The following GARRE1 variants were observed in gnomAD, a reference collection of about 807,000 sequenced individuals.
GARRE1 encodes the protein granule associated Rac and RHOG effector protein 1.
A neutral mutation model predicts 103.2 loss-of-function variants in GARRE1; 49 were observed. The observed-to-expected ratio is 0.47, with a 90% CI of 0.38 to 0.60. The LOEUF is 0.60. Among genes scored for constraint, GARRE1 ranks in the 20% least tolerant of loss-of-function variants. GARRE1 has a pLI of 0.00. For missense variants in GARRE1, 1,199 were observed against 1,370.5 expected, an observed-to-expected ratio of 0.87 and a Z score of 1.98; for synonymous variants, 505 against 532.8, an observed-to-expected ratio of 0.95 and a Z score of 0.72.
intron 10 of GARRE1, among the ~76,000 whole-genome samples, chr19:34,346,087 A>G (rs1261997884): frequency 1.3e-5 from 2 of 152,170 alleles, no homozygotes; most frequent in African/African-American, 4.8e-5. Flanking sequence ...GATAGGCAAA[A>G]TCAGTGCGGG....
intron 1 of GARRE1, among the ~76,000 whole-genome samples, chr19:34,279,572 G>A (rs1340965312): frequency 6.6e-6 from 1 of 152,132 alleles, no homozygotes; most frequent in Non-Finnish European, 1.5e-5. Context: ...AATAGGGTAT[G>A]AAGTGGTATC....
At chr19:34,295,048 TA>T (rs2073939902) in intron 1 of GARRE1, among the ~76,000 whole-genome samples, 1 of 152,328 alleles carries the variant, frequency 6.6e-6, no homozygotes, top group Admixed American at 6.5e-5. Flanking sequence ...AGATGAGCTC[TA>T]AGTCAGGTAA....
At chr19:34,291,637 G>A (rs929743968) in intron 1 of GARRE1, among the ~76,000 whole-genome samples, 1 of 152,146 alleles carries the variant, frequency 6.6e-6, no homozygotes, top group African/African-American at 2.4e-5. Context: ...AACCACTCCT[G>A]TGATAATGCC....
chr19:34,333,618 C>A, intron 7 of GARRE1, 86 bp from the exon 8 acceptor site: 1 of 821,246 alleles, frequency 1.2e-6, no homozygotes, highest in Non-Finnish European at 2.0e-6. Context: ...CTTAGAGAGT[C>A]ATTTTATGTA....
intron 6 of GARRE1, among the ~76,000 whole-genome samples, chr19:34,328,493 C>A (rs570787551): frequency 1.4e-5 from 2 of 147,550 alleles, no homozygotes; most frequent in African/African-American, 5.0e-5. Context: ...TGCGCCATTG[C>A]ACTCCAACCT....
At chr19:34,274,675 A>G (rs546863181) in intron 1 of GARRE1, among the ~76,000 whole-genome samples, 2 of 152,296 alleles carry the variant, frequency 1.3e-5, no homozygotes, top group African/African-American at 4.8e-5. Context: ...CAGAAGGAAT[A>G]TGTTGCTCTT....
chr19:34,323,765 A>G (rs1316708350), intron 3 of GARRE1, among the ~76,000 whole-genome samples: 1 of 152,132 alleles, frequency 6.6e-6, no homozygotes, highest in Non-Finnish European at 1.5e-5. Flanking sequence ...TCCATCTTCT[A>G]GACAACTCAT....
Position 34,352,821 on chromosome 19 carries a change from A to G in GARRE1, c.3079A>G (p.Ser1027Gly), listed in dbSNP as rs140752396. The G allele has an allele frequency of 6.2e-7, 1 of 1,613,104 alleles. No homozygotes were observed. Among genetic ancestry groups the G allele is most frequent in the Non-Finnish European group, 8.5e-7 (1 of 1,179,664 alleles). Reference protein sequence around the residue: ...SPVWAATNDCSAAAFSYVQTP... With the variant: ...SPVWAATNDCGAAAFSYVQTP... ...AGTGTGGGCCGCAACCAACGACTGC[A>G]GTGCCGCTGCCTTCTCCTATGTGCA... Residue 1027 changes from serine (S) to glycine (G), a missense_variant, in exon 14 of 14, where the codon AGT (serine) becomes GGT (glycine). Physicochemically the swap from Ser to Gly is moderately conservative, Grantham distance 56. Transcript: ENST00000299505.
Position 34,353,584 on chromosome 19 carries a change from C to T in GARRE1, c.*629C>T, listed in dbSNP as rs188927747. 9.8e-5 allele frequency: 15 copies of T among 152,364 alleles called. No homozygotes were observed. Among genetic ancestry groups the T allele is most frequent in the Admixed American group, 2.0e-4 (3 of 15,304 alleles). 9.4% of individuals were successfully genotyped at this position (152,364 alleles called of 1,614,324 possible). A position where few individuals can be genotyped will look rare whatever the true frequency, so the allele number is the denominator to read the frequency against. On this transcript the variant is annotated 3_prime_UTR_variant, in exon 14 of 14. Coordinates refer to ENST00000299505, the MANE Select transcript of GARRE1 (RefSeq NM_014686.5). ...GAATATTTGTGATTGGAAGCAGTCA[C>T]CTGGGGTTTCTGGGGGTGGACAGTT...
intron 1 of GARRE1, among the ~76,000 whole-genome samples, chr19:34,298,889 G>T (rs1290429769): frequency 1.3e-5 from 2 of 152,178 alleles, no homozygotes; most frequent in East Asian, 1.9e-4. Flanking sequence ...GCGATATCCA[G>T]ATTCTGCTAT....
intron 1 of GARRE1, among the ~76,000 whole-genome samples, chr19:34,296,065 G>C (rs1354489615): frequency 6.6e-6 from 1 of 151,258 alleles, no homozygotes; most frequent in Non-Finnish European, 1.5e-5. Flanking sequence ...GGTTACTATA[G>C]CTTTATAGTA....
At chr19:34,255,706 C>G (rs2073667845) in intron 1 of GARRE1, among the ~76,000 whole-genome samples, 1 of 150,988 alleles carries the variant, frequency 6.6e-6, no homozygotes, top group African/African-American at 2.4e-5. Context: ...AGACTGTTGC[C>G]CAGGCTGGTC....
chr19:34,268,900 G>A (rs2145956270), intron 1 of GARRE1, among the ~76,000 whole-genome samples: 1 of 152,214 alleles, frequency 6.6e-6, no homozygotes, highest in East Asian at 1.9e-4. Context: ...GTTACGCATT[G>A]ATCTTCCTGT....
intron 3 of GARRE1, among the ~76,000 whole-genome samples, chr19:34,326,523 T>C (rs913861145): frequency 1.3e-5 from 2 of 152,236 alleles, no homozygotes. Context: ...CTTGCTTATC[T>C]ACTCTTCATA....
intron 10 of GARRE1, among the ~76,000 whole-genome samples, chr19:34,345,339 C>T (rs185011368): frequency 1.3e-5 from 2 of 152,338 alleles, no homozygotes; most frequent in East Asian, 3.9e-4. Flanking sequence ...GTAGGAAACC[C>T]TTGTGCCTGC....
chr19:34,346,907 C>T (rs1311074303), intron 10 of GARRE1, among the ~76,000 whole-genome samples: 1 of 151,756 alleles, frequency 6.6e-6, no homozygotes, highest in Non-Finnish European at 1.5e-5. Context: ...TGTGAGCCAC[C>T]AAGCCCAGCC....
chr19:34,340,642 T>TAGGAAG, intron 9 of GARRE1, among the ~76,000 whole-genome samples: 1 of 152,244 alleles, frequency 6.6e-6, no homozygotes. Context: ...GTCATCCTCC[T>TAGGAAG]ACCTCAGCCT....
At position 34,295,929 on chromosome 19, in the gene GARRE1, C is replaced by G. The variant is rs140156102; in HGVS notation, c.-795-3750C>G. On this transcript the variant is annotated intron_variant, in intron 1 of 13. Transcript: ENST00000299505. Reference sequence around the variant, plus strand: ...ATTTATTGAAGAGACTGTTCTTTCCCCACTGGATGTTTTTGGCATCCTGGT... The same window carrying G: ...ATTTATTGAAGAGACTGTTCTTTCCGCACTGGATGTTTTTGGCATCCTGGT... Among the ~76,000 whole-genome samples, 140 of 152,236 alleles carry G rather than the reference C, an allele frequency of 9.2e-4. No homozygotes were observed. The East Asian group carries it at 0.016, about 17-fold the overall frequency.
At chr19:34,342,768 C>A (rs541492784) in intron 10 of GARRE1, among the ~76,000 whole-genome samples, 1 of 152,248 alleles carries the variant, frequency 6.6e-6, no homozygotes, top group East Asian at 1.9e-4. Context: ...CTGCCTACTC[C>A]CGGCAGCCAA....
Sources: allele counts gnomAD v4.1 joint callset (sites outside exome capture counted in the v4.1 genomes callset), GRCh38; gene constraint gnomAD v4.1.1; transcripts MANE v1.5; gene names NCBI Gene and HGNC (gene_info 2026-07-23, HGNC 2026-07-21).